AKAP6: variants seen among roughly 807,000 people sequenced by gnomAD.
AKAP6 encodes A-kinase anchor protein 6.
AKAP6 carries 58 observed loss-of-function variants against 188.5 expected under a neutral mutation model. The ratio of observed to expected loss-of-function variants is 0.31; its 90% CI spans 0.25 to 0.38. AKAP6 has a LOEUF of 0.38. Ranked by LOEUF, AKAP6 falls within the 10% of genes least tolerant of loss-of-function variation. The probability of loss-of-function intolerance (pLI) is 1.00; values close to 1 mark genes in which losing one functional copy is unlikely to be tolerated. For missense variants in AKAP6, 2,710 were observed against 2,740.0 expected, an observed-to-expected ratio of 0.99 and a Z score of 0.24; for synonymous variants, 989 against 998.6, an observed-to-expected ratio of 0.99 and a Z score of 0.18.
chr14:32,465,323 A>G (rs1021828510), intron 2 of AKAP6, among the ~76,000 whole-genome samples: 6 of 152,148 alleles, frequency 3.9e-5, no homozygotes, highest in African/African-American at 7.2e-5. Context: ...GCATGATGCT[A>G]CCTGACTTCA....
At chr14:32,602,019 A>G (rs1369452778) in intron 7 of AKAP6, among the ~76,000 whole-genome samples, 2 of 152,188 alleles carry the variant, frequency 1.3e-5, no homozygotes, top group African/African-American at 2.4e-5. Context: ...TGAAGGAAGG[A>G]GGAGAGGTGG....
chr14:32,797,231 G>C (rs1049309804), intron 12 of AKAP6, among the ~76,000 whole-genome samples: 1 of 152,144 alleles, frequency 6.6e-6, no homozygotes, highest in Non-Finnish European at 1.5e-5. Flanking sequence ...ATTCCTCAAA[G>C]ACCTAGAGGC....
chr14:32,464,396 C>T (rs1472879387), intron 2 of AKAP6, among the ~76,000 whole-genome samples: 1 of 152,180 alleles, frequency 6.6e-6, no homozygotes, highest in Non-Finnish European at 1.5e-5. Flanking sequence ...GCTTATCCAC[C>T]ACAATCAAGT....
At chr14:32,499,619 T>C (rs1313760678) in intron 2 of AKAP6, among the ~76,000 whole-genome samples, 1 of 151,912 alleles carries the variant, frequency 6.6e-6, no homozygotes, top group African/African-American at 2.4e-5. Flanking sequence ...ATAACATTTT[T>C]GACACTGTAA....
chr14:32,766,286 T>A (rs2032717200), intron 11 of AKAP6, among the ~76,000 whole-genome samples: 2 of 152,172 alleles, frequency 1.3e-5, no homozygotes, highest in Non-Finnish European at 2.9e-5. Context: ...TGTTTCCACT[T>A]TTTGGCTTTA....
chr14:32,714,294 A>G (rs2030062948), intron 9 of AKAP6, among the ~76,000 whole-genome samples: 1 of 152,034 alleles, frequency 6.6e-6, no homozygotes, highest in African/African-American at 2.4e-5. Context: ...CAAATTACTA[A>G]AATGTAACGC....
rs375820695 is a variant in AKAP6 at position 32,545,670 on chromosome 14, C to G, written c.1017C>G (p.Pro339=). Reference sequence around the variant, plus strand: ...AAGCTCTGACAAATGCTGCTCAACCCTCCTCTGAGACTGTGCAGCAAGAAT... The same window carrying G: ...AAGCTCTGACAAATGCTGCTCAACCGTCCTCTGAGACTGTGCAGCAAGAAT... The part of the protein sequence containing the change: ...SGEALTNAAQ[P]SSETVQQESS... Residue 339 remains proline (P), a synonymous_variant, in exon 4 of 14, where the codon CCC becomes CCG. Transcript: ENST00000280979. The G allele has an allele frequency of 1.9e-6, 3 of 1,614,178 alleles. No individual in the cohort carries two copies. In the South Asian group the frequency reaches 3.3e-5, roughly 18 times the overall value.
intron 5 of AKAP6, among the ~76,000 whole-genome samples, chr14:32,596,490 T>C (rs1292003771): frequency 6.6e-6 from 1 of 152,314 alleles, no homozygotes. Flanking sequence ...TCATCATGTT[T>C]TTCCATTTCC....
intron 2 of AKAP6, among the ~76,000 whole-genome samples, chr14:32,525,047 A>G (rs1013613445): frequency 4.6e-5 from 7 of 152,230 alleles, no homozygotes; most frequent in African/African-American, 1.7e-4. Flanking sequence ...GTCTTGGGGA[A>G]GGTATAGATA....
At chr14:32,714,959 T>C (rs1296406264) in intron 9 of AKAP6, among the ~76,000 whole-genome samples, 1 of 151,904 alleles carries the variant, frequency 6.6e-6, no homozygotes, top group East Asian at 1.9e-4. Flanking sequence ...GACTCACGTT[T>C]GAATTCGAAG....
intron 2 of AKAP6, among the ~76,000 whole-genome samples, chr14:32,447,872 A>C (rs1395001258): frequency 6.6e-6 from 1 of 152,204 alleles, no homozygotes; most frequent in African/African-American, 2.4e-5. Flanking sequence ...TCTTGGTTTC[A>C]AAGGTTAAAA....
intron 2 of AKAP6, among the ~76,000 whole-genome samples, chr14:32,521,848 C>T (rs1260877548): frequency 6.6e-6 from 1 of 152,150 alleles, no homozygotes; most frequent in Admixed American, 6.5e-5. Flanking sequence ...CTTTAAAGTT[C>T]ATGTGCAACC....
intron 2 of AKAP6, among the ~76,000 whole-genome samples, chr14:32,450,312 G>A (rs1323647465): frequency 6.6e-6 from 1 of 151,890 alleles, no homozygotes; most frequent in Non-Finnish European, 1.5e-5. Flanking sequence ...GAGCTGGGAT[G>A]TGTGTGTGTG....
At position 32,610,116 on chromosome 14, in the gene AKAP6, A is replaced by G. The variant is rs142563534; in HGVS notation, c.2730+9324A>G. ...GCCTTTTACCTGGGTGTGCTTGTTC[A>G]TTCTTCCCAACAATGCCAGGAGTCC... is the stretch of plus-strand genomic sequence containing the variant. On this transcript the variant is annotated intron_variant, in intron 7 of 13. Transcript: ENST00000280979. Among the ~76,000 whole-genome samples, 15 of 152,210 alleles carry G rather than the reference A, an allele frequency of 9.9e-5. No homozygotes were observed. In the East Asian group the frequency reaches 2.9e-3, roughly 29 times the overall value.
At chr14:32,676,831 T>C (rs969697066) in intron 7 of AKAP6, among the ~76,000 whole-genome samples, 9 of 152,178 alleles carry the variant, frequency 5.9e-5, no homozygotes, top group Admixed American at 4.6e-4. Flanking sequence ...TTTTTCTTTT[T>C]TTCTTTTCTT....
intron 9 of AKAP6, among the ~76,000 whole-genome samples, chr14:32,704,402 A>G (rs892377702): frequency 6.6e-6 from 1 of 152,224 alleles, no homozygotes; most frequent in African/African-American, 2.4e-5. Flanking sequence ...TCTAGTTTCT[A>G]GAAAAGAAAG....
At position 32,420,845 on chromosome 14, in the gene AKAP6, A is replaced by C. The variant is rs543984635; in HGVS notation, c.-34-12615A>C. ...CCTGTGCCTACTTCTTTCTTGCTTT[A>C]CTCCTTTGTTTTGGCAGAGCATAGC... On this transcript the variant is annotated intron_variant, in intron 1 of 13. Transcript: ENST00000280979. 2.0e-5 allele frequency among the ~76,000 whole-genome samples: 3 copies of C among 147,878 alleles called. No homozygotes were observed. The East Asian group carries it at 6.0e-4, about 30-fold the overall frequency.
At chr14:32,607,746 G>A (rs538754635) in intron 7 of AKAP6, among the ~76,000 whole-genome samples, 1 of 152,288 alleles carries the variant, frequency 6.6e-6, no homozygotes, top group Non-Finnish European at 1.5e-5. Flanking sequence ...GCAAGCAAAT[G>A]AGTAGTAAAT....
intron 12 of AKAP6, among the ~76,000 whole-genome samples, chr14:32,784,359 A>C (rs1357911426): frequency 1.3e-5 from 2 of 152,200 alleles, no homozygotes; most frequent in Non-Finnish European, 2.9e-5. Flanking sequence ...TATATACCAC[A>C]AATCAAATTT....
Sources: allele counts gnomAD v4.1 joint callset (sites outside exome capture counted in the v4.1 genomes callset), GRCh38; gene constraint gnomAD v4.1.1; transcripts MANE v1.5; gene names NCBI Gene and HGNC (gene_info 2026-07-23, HGNC 2026-07-21).